Variants in WDTC1 observed in about 807,000 individuals in gnomAD.
WDTC1 encodes the protein WD and tetratricopeptide repeats protein 1.
Under a neutral mutation model 76.0 loss-of-function variants are expected in WDTC1, and 12 were observed. The ratio of observed to expected loss-of-function variants is 0.16; its 90% CI spans 0.10 to 0.26. WDTC1 has a LOEUF of 0.26. Ranked by LOEUF, WDTC1 falls within the 10% of genes least tolerant of loss-of-function variation. The pLI is 1.00. For synonymous variants in WDTC1, 326 were observed against 350.8 expected, an observed-to-expected ratio of 0.93 and a Z score of 0.79; for missense variants, 511 against 908.8, an observed-to-expected ratio of 0.56 and a Z score of 5.63.
Position 27,294,004 on chromosome 1 carries a change from G to C in WDTC1, c.663-18G>C. The C allele has an allele frequency of 6.2e-7, 1 of 1,613,184 alleles. No homozygotes were observed. ...GCAGTGCTGTAACTTTAACCTATAT[G>C]ATTTTCCTTCCCACCAGAAAGAGCA... On this transcript the variant is annotated intron_variant, in intron 7 of 15. Coordinates refer to ENST00000319394, the MANE Select transcript of WDTC1 (RefSeq NM_001276252.2).
intron 2 of WDTC1, among the ~76,000 whole-genome samples, chr1:27,262,149 T>A (rs1570952144): frequency 6.6e-6 from 1 of 151,976 alleles, no homozygotes; most frequent in African/African-American, 2.4e-5. Flanking sequence ...CAGGAGATCT[T>A]GATCTCCTGA....
In WDTC1 at chr1:27,247,351, C is replaced by T. The variant is rs148376804; in HGVS notation, c.-100+12400C>T. On this transcript the variant is annotated intron_variant, in intron 1 of 15. Coordinates refer to ENST00000319394, the MANE Select transcript of WDTC1 (RefSeq NM_001276252.2). ...GGATTAGAGATGTGAGCCACTGTGC[C>T]CAGCCTTGTGCAGGTTTTTTATACA... 4.5e-4 allele frequency among the ~76,000 whole-genome samples: 68 copies of T among 152,198 alleles called. No homozygotes were observed. The East Asian group carries it at 0.012, about 28-fold the overall frequency.
chr1:27,264,037 G>A lies in WDTC1; in HGVS notation c.132+802G>A, dbSNP rs138460556. On this transcript the variant is annotated intron_variant, in intron 3 of 15. Coordinates refer to ENST00000319394, the MANE Select transcript of WDTC1 (RefSeq NM_001276252.2). ...AAAAGACCGGCTCATGCCTGTATTC[G>A]CAGCACTTTGGGAGGTCAAGGAGGG... Among the ~76,000 whole-genome samples, 129 of 151,502 alleles carry A rather than the reference G, an allele frequency of 8.5e-4. 1 individual carries two copies. Among genetic ancestry groups the A allele is most frequent in the African/African-American group, 2.9e-3 (121 of 41,302 alleles).
chr1:27,267,247 TTC>T (rs1491398641), intron 3 of WDTC1, among the ~76,000 whole-genome samples: 1 of 151,834 alleles, frequency 6.6e-6, no homozygotes, highest in African/African-American at 2.4e-5. Context: ...TTGGATTACT[TTC>T]TTTTTTTTTT....
chr1:27,249,564 A>G (rs2011966091), intron 1 of WDTC1, among the ~76,000 whole-genome samples: 1 of 152,064 alleles, frequency 6.6e-6, no homozygotes. Context: ...CCTTTTGGCT[A>G]TTATGAATAA....
chr1:27,305,317 C>A lies in WDTC1; in HGVS notation c.1836+124C>A. 1 of 1,227,372 alleles carries A rather than the reference C, an allele frequency of 8.1e-7. No homozygotes were observed. Among genetic ancestry groups the A allele is most frequent in the Non-Finnish European group, 1.1e-6 (1 of 910,700 alleles). The allele number at this position is 1,227,372 out of a possible 1,614,324, so 76.0% of individuals were successfully genotyped here. ...CTAGAAGCTGCTAAGTAAGCCTTAC[C>A]CCGGGGCCCAAGGCTGTGTTCTCAG... On this transcript the variant is annotated intron_variant, in intron 15 of 15. Transcript: ENST00000319394. This position sits in a 1 kb window ranked among gnomAD's most constrained non-coding sequence, Gnocchi z 4.6.
chr1:27,240,486 C>A (rs1413447170), intron 1 of WDTC1, among the ~76,000 whole-genome samples: 1 of 151,978 alleles, frequency 6.6e-6, no homozygotes. Flanking sequence ...GAAATATATC[C>A]TTTTTACTAG....
intron 5 of WDTC1, 136 bp from the exon 6 acceptor site, chr1:27,287,538 C>T (rs1570974560): frequency 1.0e-6 from 1 of 975,764 alleles, no homozygotes; most frequent in East Asian, 2.7e-5. Context: ...AGGCATGAGC[C>T]ACCGCGCCCA....
rs975490928 is a variant in WDTC1 at position 27,303,029 on chromosome 1, T to C, written c.1469-592T>C. Among the ~76,000 whole-genome samples, 1 of 152,036 alleles carries C rather than the reference T, an allele frequency of 6.6e-6. No individual in the cohort carries two copies. Among genetic ancestry groups the C allele is most frequent in the Non-Finnish European group, 1.5e-5 (1 of 67,994 alleles). ...GGCTCATGCCTGTAATCCCAGCACT[T>C]TGGGAGGCCAAGGCAGGTGGATCAC... On this transcript the variant is annotated intron_variant, in intron 13 of 15. Coordinates refer to ENST00000319394, the MANE Select transcript of WDTC1 (RefSeq NM_001276252.2). The surrounding 1 kb of genome is among the most constrained non-coding windows in gnomAD (Gnocchi z 4.8).
At chr1:27,292,188 A>G (rs1197943816) in intron 6 of WDTC1, 27 bp from the exon 7 acceptor site, 8 of 1,489,522 alleles carry the variant, frequency 5.4e-6, no homozygotes, top group South Asian at 1.3e-5. Context: ...CCAAGCCCCA[A>G]TTCCCTAACT....
At chr1:27,258,105 A>G (rs1052285846) in intron 1 of WDTC1, among the ~76,000 whole-genome samples, 2 of 151,004 alleles carry the variant, frequency 1.3e-5, no homozygotes, top group East Asian at 4.0e-4. Flanking sequence ...TCTTTTAAAG[A>G]GCTTATGGTC....
At position 27,274,734 on chromosome 1, in the gene WDTC1, A is replaced by G. The variant is rs774787489; in HGVS notation, c.133-7505A>G. ...AACCAAATATCCTGGGATTCCAGCCATGGCCTGCAGTCCTCACTTTTTTGG... is the reference window on the plus strand; with the variant it reads ...AACCAAATATCCTGGGATTCCAGCCGTGGCCTGCAGTCCTCACTTTTTTGG... On this transcript the variant is annotated intron_variant, in intron 3 of 15. Coordinates refer to ENST00000319394, the MANE Select transcript of WDTC1 (RefSeq NM_001276252.2). This position sits in a 1 kb window ranked among gnomAD's most constrained non-coding sequence, Gnocchi z 4.2. Among the ~76,000 whole-genome samples, 1 of 152,176 alleles carries G rather than the reference A, an allele frequency of 6.6e-6. No individual in the cohort carries two copies. Among genetic ancestry groups the G allele is most frequent in the Non-Finnish European group, 1.5e-5 (1 of 68,030 alleles).
At chr1:27,248,773 C>T (rs2011936528) in intron 1 of WDTC1, among the ~76,000 whole-genome samples, 1 of 152,116 alleles carries the variant, frequency 6.6e-6, no homozygotes, top group Non-Finnish European at 1.5e-5. Flanking sequence ...AGTCCTCCCA[C>T]CTCAGCCTCC....
At chr1:27,244,598 C>T (rs2011750103) in intron 1 of WDTC1, among the ~76,000 whole-genome samples, 1 of 152,280 alleles carries the variant, frequency 6.6e-6, no homozygotes, top group East Asian at 1.9e-4. Flanking sequence ...CCTCCTGCCT[C>T]GGTCTCCCAA....
intron 4 of WDTC1, among the ~76,000 whole-genome samples, chr1:27,283,125 C>T (rs1240176482): frequency 6.8e-6 from 1 of 147,650 alleles, no homozygotes; most frequent in Non-Finnish European, 1.5e-5. Flanking sequence ...GGGGACAGAG[C>T]GAGACTCCAT....
At chr1:27,293,918 T>C in intron 7 of WDTC1, 104 bp from the exon 8 acceptor site, 1 of 1,091,056 alleles carries the variant, frequency 9.2e-7, no homozygotes, top group Non-Finnish European at 1.3e-6. Context: ...AAATACCTCC[T>C]GTATGTCTCA....
At chr1:27,300,862 G>A (rs2013814248) in intron 12 of WDTC1, among the ~76,000 whole-genome samples, 1 of 152,214 alleles carries the variant, frequency 6.6e-6, no homozygotes, top group Non-Finnish European at 1.5e-5. Flanking sequence ...GGTGGATGGG[G>A]GAAGAGAGAA....
chr1:27,292,332 C>T lies in WDTC1; in HGVS notation c.597C>T (p.Cys199=). The change falls in exon 7 of 16, where the codon TGC becomes TGT. Residue 199 remains cysteine, a synonymous_variant. Coordinates refer to ENST00000319394, the MANE Select transcript of WDTC1 (RefSeq NM_001276252.2). ...CTGTCAACCCCCAGGACAACAACTG[C>T]CTGGCAGTTGGGGCCAGCGGGCCCT... is the stretch of plus-strand genomic sequence containing the variant. ...CLTVNPQDNN[C]LAVGASGPFV... is the part of the protein sequence containing the mutation. The T allele has an allele frequency of 6.2e-7, 1 of 1,613,076 alleles. No homozygotes were observed. Among genetic ancestry groups the T allele is most frequent in the African/African-American group, 1.3e-5 (1 of 75,008 alleles).
At position 27,234,763 on chromosome 1, in the gene WDTC1, G is replaced by T. The variant is rs1356104517; in HGVS notation, c.-288G>T. 13 of 399,192 alleles carry T rather than the reference G, an allele frequency of 3.3e-5. No individual in the cohort carries two copies. In the East Asian group the frequency reaches 4.3e-4, roughly 13 times the overall value. The allele number at this position is 399,192 out of a possible 1,614,324, so 24.7% of individuals were successfully genotyped here. On this transcript the variant is annotated 5_prime_UTR_variant, in exon 1 of 16. Transcript: ENST00000319394. The stretch of plus-strand genomic sequence containing the variant: ...CGGGTGTGAGGCGGTGCGCAGGGGC[G>T]GGCGGAGGCGCTGTCCGGCCCCGGC...
Sources: gnomAD v4.1 joint callset for allele counts (sites outside exome capture counted in the v4.1 genomes callset) on GRCh38, gnomAD v4.1.1 for gene constraint, Gnocchi (gnomAD v3.1) non-coding constraint, MANE v1.5 for transcripts, NCBI Gene and HGNC (gene_info 2026-07-23, HGNC 2026-07-21) for gene names.